The following ABI3BP variants were observed in gnomAD, a reference collection of about 807,000 sequenced individuals.
The protein encoded by ABI3BP is target of Nesh-SH3.
ABI3BP carries 216 observed loss-of-function variants against 268.6 expected under a neutral mutation model. The observed-to-expected ratio is 0.80, with a 90% CI of 0.72 to 0.90. The LOEUF (loss-of-function observed/expected upper bound fraction) is 0.90. Among genes scored for constraint, ABI3BP ranks in the 40% least tolerant of loss-of-function variants. The pLI, the probability that ABI3BP is intolerant of heterozygous loss-of-function variation, is 0.00. For synonymous variants in ABI3BP, 730 were observed against 730.0 expected, an observed-to-expected ratio of 1.00 and a Z score of 0.00; for missense variants, 2,090 against 2,182.4, an observed-to-expected ratio of 0.96 and a Z score of 0.84.
chr3:100,941,686 C>T (rs2069330134), intron 1 of ABI3BP, among the ~76,000 whole-genome samples: 4 of 152,088 alleles, frequency 2.6e-5, no homozygotes, highest in Admixed American at 2.6e-4. Context: ...CCAATGTGGA[C>T]ATTTCAGCAC....
intron 1 of ABI3BP, among the ~76,000 whole-genome samples, chr3:100,949,263 T>C (rs1051425412): frequency 2.0e-5 from 3 of 152,164 alleles, no homozygotes; most frequent in Non-Finnish European, 2.9e-5. Flanking sequence ...TTTTTATTTA[T>C]TTATTTATTG....
intron 21 of ABI3BP, among the ~76,000 whole-genome samples, chr3:100,841,219 T>TTGTTTTTTG (rs2098695362): frequency 7.0e-6 from 1 of 142,450 alleles, no homozygotes; most frequent in African/African-American, 2.6e-5. Context: ...TTTTTTTTTT[T>TTGTTTTTTG]TTTTTTTTGC....
chr3:100,862,549 T>A lies in ABI3BP; in HGVS notation c.1211-164A>T, dbSNP rs2099009776. ...TCAGTAAGAAATCAGTATGTATCCA[T>A]CCAGAGAACATTTGATTAGTGGTCA... On this transcript the variant is annotated intron_variant, in intron 13 of 67. Transcript: ENST00000471714. The A allele has an allele frequency of 2.8e-5, 17 of 597,664 alleles. 1 individual carries two copies. In the South Asian group the frequency reaches 3.9e-4, roughly 14 times the overall value. The allele number at this position is 597,664 out of a possible 1,614,324, so 37.0% of individuals were successfully genotyped here.
At chr3:100,845,308 G>T (rs1014158061) in intron 20 of ABI3BP, among the ~76,000 whole-genome samples, 5 of 152,156 alleles carry the variant, frequency 3.3e-5, no homozygotes, top group Non-Finnish European at 7.4e-5. Flanking sequence ...AACCCTGAGT[G>T]AGAGTTTTTC....
At chr3:100,819,426 T>C (rs1355476166) in intron 40 of ABI3BP, among the ~76,000 whole-genome samples, 1 of 152,160 alleles carries the variant, frequency 6.6e-6, no homozygotes, top group East Asian at 1.9e-4. Flanking sequence ...TTTACCCAGA[T>C]ACACTCCCTT....
chr3:100,787,851 C>T (rs2097095863), intron 56 of ABI3BP, 49 bp from the exon 57 acceptor site: 2 of 1,373,120 alleles, frequency 1.5e-6, no homozygotes, highest in African/African-American at 1.5e-5. Context: ...TGAAAGTTTG[C>T]AGCCGAGAAA....
At position 100,926,413 on chromosome 3, in the gene ABI3BP, G is replaced by A. The variant is rs1305138105; in HGVS notation, c.148C>T (p.Pro50Ser). 1 of 1,613,474 alleles carries A rather than the reference G, an allele frequency of 6.2e-7. No individual in the cohort carries two copies. The highest frequency in any genetic ancestry group is 8.5e-7 in the Non-Finnish European group (1 of 1,179,576). The part of the protein sequence containing the change: ...SDSILLKFLR[P>S]SPNVKLEGLL... The stretch of plus-strand genomic sequence containing the variant: ...CCTTCAAGCTTTACATTTGGACTTG[G>A]ACGCAAGAACTTCAAGAGGATGGAG... The change falls in exon 2 of 68, where the codon CCA (proline) becomes TCA (serine). Residue 50 changes from proline (P) to serine (S), a missense_variant. Physicochemically the swap from Pro to Ser is moderately conservative, Grantham distance 74. Transcript: ENST00000471714.
chr3:100,806,641 G>A (rs769939556), intron 50 of ABI3BP, among the ~76,000 whole-genome samples: 3 of 152,062 alleles, frequency 2.0e-5, no homozygotes, highest in Non-Finnish European at 4.4e-5. Flanking sequence ...AAAGCCAGAA[G>A]TATCTGGTTT....
In ABI3BP at chr3:100,875,511, G is replaced by C. The variant is rs368658873; in HGVS notation, c.814C>G (p.Leu272Val). The C allele has an allele frequency of 4.4e-6, 7 of 1,607,376 alleles. No homozygotes were observed. The highest frequency in any genetic ancestry group is 6.0e-6 in the Non-Finnish European group (7 of 1,174,068). The change falls in exon 8 of 68, where the codon CTA (leucine) becomes GTA (valine). Residue 272 changes from leucine (L) to valine (V), a missense_variant. Coordinates refer to ENST00000471714, the MANE Select transcript of ABI3BP (RefSeq NM_001375547.2). ...ATAGATTTCGAGATCCACTCACCTAGTATCACTCCTCCCAGTGGAGCTTTT... is the reference window on the plus strand; with the variant it reads ...ATAGATTTCGAGATCCACTCACCTACTATCACTCCTCCCAGTGGAGCTTTT... Reference protein sequence around the residue: ...PEKAPLGGVILVHLIIPGLNE... With the variant: ...PEKAPLGGVIVVHLIIPGLNE...
At chr3:100,823,775 A>G (rs2152703981) in intron 36 of ABI3BP, among the ~76,000 whole-genome samples, 1 of 152,338 alleles carries the variant, frequency 6.6e-6, no homozygotes, top group South Asian at 2.1e-4. Flanking sequence ...GTTTTTAACT[A>G]ATGAATTCTG....
At chr3:100,925,458 G>C (rs979474967) in intron 2 of ABI3BP, among the ~76,000 whole-genome samples, 7 of 151,706 alleles carry the variant, frequency 4.6e-5, no homozygotes, top group African/African-American at 1.7e-4. Flanking sequence ...TGTTGTGCAG[G>C]CTGGAGTGCA....
intron 1 of ABI3BP, among the ~76,000 whole-genome samples, chr3:100,976,771 G>A (rs752127900): frequency 3.3e-5 from 5 of 152,182 alleles, no homozygotes; most frequent in Non-Finnish European, 5.9e-5. Context: ...AGGGGAATTC[G>A]GGGATGTAGG....
At chr3:100,784,677 A>G (rs1466970057) in intron 57 of ABI3BP, among the ~76,000 whole-genome samples, 2 of 152,212 alleles carry the variant, frequency 1.3e-5, no homozygotes, top group African/African-American at 2.4e-5. Flanking sequence ...TGGTATATAT[A>G]CACCATGGAA....
rs370866422 is a variant in ABI3BP, at chr3:100,804,747, G to A, written c.3757+45C>T. On this transcript the variant is annotated intron_variant, in intron 51 of 67. Coordinates refer to ENST00000471714, the MANE Select transcript of ABI3BP (RefSeq NM_001375547.2). ...TCTCATGTTTCACTGAAGCAGAGTGGGACAGTAGAATGCATTTGGCTTAAA... is the reference window on the plus strand; with the variant it reads ...TCTCATGTTTCACTGAAGCAGAGTGAGACAGTAGAATGCATTTGGCTTAAA... 11 of 1,526,994 alleles carry A rather than the reference G, an allele frequency of 7.2e-6. No homozygotes were observed. In the African/African-American group the frequency reaches 9.6e-5, roughly 13 times the overall value. 94.6% of individuals were successfully genotyped at this position (1,526,994 alleles called of 1,614,324 possible). A position where few individuals can be genotyped will look rare whatever the true frequency, so the allele number is the denominator to read the frequency against.
intron 1 of ABI3BP, among the ~76,000 whole-genome samples, chr3:100,981,782 C>A (rs1464147454): frequency 6.6e-6 from 1 of 152,052 alleles, no homozygotes; most frequent in East Asian, 1.9e-4. Context: ...TCCTCTCTGC[C>A]GATCCTGTTT....
chr3:100,933,261 A>T (rs1332310413), intron 1 of ABI3BP, among the ~76,000 whole-genome samples: 3 of 151,976 alleles, frequency 2.0e-5, no homozygotes, highest in Non-Finnish European at 2.9e-5. Flanking sequence ...CAGATCAGGT[A>T]CCGTATTAAT....
At chr3:100,882,464 T>A (rs1190797834) in intron 6 of ABI3BP, among the ~76,000 whole-genome samples, 1 of 150,272 alleles carries the variant, frequency 6.7e-6, no homozygotes, top group Admixed American at 6.6e-5. Context: ...ATATATATTT[T>A]TTTTGCTGTC....
At chr3:100,928,996 A>T (rs1259742436) in intron 1 of ABI3BP, among the ~76,000 whole-genome samples, 1 of 152,072 alleles carries the variant, frequency 6.6e-6, no homozygotes, top group Non-Finnish European at 1.5e-5. Flanking sequence ...CCTTTTTAAT[A>T]ATGTGCCTAG....
At chr3:100,752,028 G>A (rs375491500) in intron 66 of ABI3BP, among the ~76,000 whole-genome samples, 1 of 152,186 alleles carries the variant, frequency 6.6e-6, no homozygotes, top group Non-Finnish European at 1.5e-5. Context: ...AACTGGCCAG[G>A]TGTATTCTAC....
Sources: gnomAD v4.1 joint callset for allele counts (sites outside exome capture counted in the v4.1 genomes callset) on GRCh38, gnomAD v4.1.1 for gene constraint, MANE v1.5 for transcripts, NCBI Gene and HGNC (gene_info 2026-07-23, HGNC 2026-07-21) for gene names.